Variants in SSX2IP observed in about 807,000 individuals in gnomAD.
SSX2IP encodes the protein afadin- and alpha-actinin-binding protein.
A neutral mutation model predicts 84.9 loss-of-function variants in SSX2IP; 55 were observed. The ratio of observed to expected loss-of-function variants is 0.65; its 90% CI spans 0.52 to 0.81. SSX2IP has a LOEUF of 0.81. Among genes scored for constraint, SSX2IP ranks in the 30% least tolerant of loss-of-function variants. The pLI is 0.00. For synonymous variants in SSX2IP, 239 were observed against 234.7 expected, an observed-to-expected ratio of 1.02 and a Z score of -0.17; for missense variants, 664 against 705.2, an observed-to-expected ratio of 0.94 and a Z score of 0.66.
intron 8 of SSX2IP, among the ~76,000 whole-genome samples, chr1:84,660,008 CA>C (rs1335521249): frequency 6.6e-6 from 1 of 151,654 alleles, no homozygotes; most frequent in African/African-American, 2.4e-5. Flanking sequence ...TCTAAAAAAC[CA>C]AAAAACAAAA....
At chr1:84,668,271 G>C (rs1163765428) in intron 4 of SSX2IP, among the ~76,000 whole-genome samples, 1 of 152,094 alleles carries the variant, frequency 6.6e-6, no homozygotes, top group East Asian at 1.9e-4. Flanking sequence ...ATGTGGCCAA[G>C]GGTTACAACT....
At chr1:84,669,085 AAAAG>A (rs1557503285) in intron 4 of SSX2IP, among the ~76,000 whole-genome samples, 1 of 152,164 alleles carries the variant, frequency 6.6e-6, no homozygotes, top group African/African-American at 2.4e-5. Context: ...AAAAGGAAGA[AAAAG>A]AAAGAAATCA....
At chr1:84,655,572 A>G (rs4537578) in intron 11 of SSX2IP, 864,168 of 1,417,464 alleles carry the variant, frequency 0.61, 269,405 homozygotes, top group East Asian at 0.74. Context: ...TAAAACACTT[A>G]GCAGGAGAAA....
Position 84,650,362 on chromosome 1 carries a change from C to G in SSX2IP, c.1670G>C (p.Ser557Thr), listed in dbSNP as rs774787281. 1 of 1,614,092 alleles carries G rather than the reference C, an allele frequency of 6.2e-7. No individual in the cohort carries two copies. The highest frequency in any genetic ancestry group is 1.1e-5 in the South Asian group (1 of 91,080). ...CQTRSCISEH[S>T]SINVLNITAE... is the part of the protein sequence containing the mutation. Reference sequence around the variant, plus strand: ...GAAAAGATCACCTATAGACAAATACCTATGTTCAGATATGCAGGAACGTGT... The same window carrying G: ...GAAAAGATCACCTATAGACAAATACGTATGTTCAGATATGCAGGAACGTGT... Residue 557 changes from serine to threonine, a missense_variant and splice_region_variant, in exon 13 of 14, where the codon AGT becomes ACT. Physicochemically the swap from Ser to Thr is moderately conservative, Grantham distance 58. Transcript: ENST00000342203.
chr1:84,667,693 T>C (rs1434531899), intron 4 of SSX2IP, among the ~76,000 whole-genome samples: 1 of 152,082 alleles, frequency 6.6e-6, no homozygotes, highest in Non-Finnish European at 1.5e-5. Context: ...CCAACAGAGA[T>C]ATTTGTGGTT....
At chr1:84,671,453 G>A (rs975371382) in intron 1 of SSX2IP, 145 bp from the exon 2 acceptor site, 3 of 515,226 alleles carry the variant, frequency 5.8e-6, no homozygotes, top group Non-Finnish European at 6.2e-6. Flanking sequence ...AGAACATGGT[G>A]TGTGTATATA....
chr1:84,661,067 TA>T (rs11362632), intron 8 of SSX2IP, among the ~76,000 whole-genome samples: 72,105 of 107,174 alleles, frequency 0.67, 25,585 homozygotes, highest in Middle Eastern at 0.8. Context: ...CTCCGTCTCT[TA>T]AAAAAAAAAA....
Position 84,662,202 on chromosome 1 carries a change from C to T in SSX2IP, c.923G>A (p.Gly308Glu). The stretch of plus-strand genomic sequence containing the variant: ...AGAGAGGAAAGAGCCACTTACAGTT[C>T]CTGTACTATCATCTACTCTTTCTCT... ...KPRERVDDST[G>E]TVISDVEEDA... Residue 308 changes from glycine (G) to glutamate (E), a missense_variant, in exon 8 of 14, where the codon GGA (glycine) becomes GAA (glutamate). Coordinates refer to ENST00000342203, the MANE Select transcript of SSX2IP (RefSeq NM_001166293.2). 6.3e-7 allele frequency: 1 copy of T among 1,575,426 alleles called. No homozygotes were observed. The highest frequency in any genetic ancestry group is 8.6e-7 in the Non-Finnish European group (1 of 1,165,216).
intron 12 of SSX2IP, 31 bp from the exon 13 acceptor site, chr1:84,650,558 G>A: frequency 6.2e-7 from 1 of 1,611,802 alleles, no homozygotes; most frequent in Admixed American, 1.7e-5. Context: ...GAAAAAGGCA[G>A]TACATATGGT....
intron 8 of SSX2IP, among the ~76,000 whole-genome samples, chr1:84,660,895 C>CAA (rs11362631): frequency 0.078 from 7,609 of 97,916 alleles, 381 homozygotes; most frequent in Middle Eastern, 0.11. Flanking sequence ...TACTAAAATA[C>CAA]AAAAAAAAAA....
chr1:84,659,155 G>T (rs1240312984), intron 8 of SSX2IP, among the ~76,000 whole-genome samples: 1 of 152,094 alleles, frequency 6.6e-6, no homozygotes, highest in Non-Finnish European at 1.5e-5. Context: ...TATTCAGGAA[G>T]GCAGAGAGAT....
At chr1:84,659,037 T>C (rs181922079) in intron 8 of SSX2IP, among the ~76,000 whole-genome samples, 24 of 152,300 alleles carry the variant, frequency 1.6e-4, no homozygotes, top group Admixed American at 9.2e-4. Flanking sequence ...TACTGATATA[T>C]GATCACACAG....
chr1:84,670,607 A>G (rs1653432436), intron 3 of SSX2IP, 39 bp downstream of exon 3: 5 of 1,411,190 alleles, frequency 3.5e-6, no homozygotes, highest in Non-Finnish European at 4.9e-6. Context: ...CTATTATATA[A>G]CATGATTTAT....
intron 1 of SSX2IP, among the ~76,000 whole-genome samples, chr1:84,673,455 G>A (rs1236421040): frequency 1.3e-5 from 2 of 152,234 alleles, no homozygotes; most frequent in African/African-American, 2.4e-5. Context: ...AGGCTACAGC[G>A]TAGGAAGTCG....
At chr1:84,656,550 A>AT (rs1484805556) in intron 9 of SSX2IP, 66 bp from the exon 10 acceptor site, 4 of 1,389,754 alleles carry the variant, frequency 2.9e-6, no homozygotes, top group Non-Finnish European at 9.5e-7. Flanking sequence ...TGTTTTGCAC[A>AT]TATCTTTAAA....
At chr1:84,656,084 C>G in intron 10 of SSX2IP, 79 bp from the exon 11 acceptor site, 1 of 1,288,974 alleles carries the variant, frequency 7.8e-7, no homozygotes, top group Non-Finnish European at 1.1e-6. Context: ...CAAGGGAAGG[C>G]CAGTCAAACT....
intron 1 of SSX2IP, chr1:84,680,453 C>G (rs1654919622): frequency 6.6e-6 from 1 of 151,938 alleles, no homozygotes; most frequent in African/African-American, 2.4e-5. Context: ...AATTTAGTTA[C>G]CAAATTTCTT....
chr1:84,682,950 G>A lies in SSX2IP; in HGVS notation c.-90+7421C>T, dbSNP rs114638643. ...ACAATTCTAAGCATTTTATGTGTAC[G>A]AACTTATTCAATCTTACAATGATCC... On this transcript the variant is annotated intron_variant, in intron 1 of 13. Coordinates refer to ENST00000342203, the MANE Select transcript of SSX2IP (RefSeq NM_001166293.2). Among the ~76,000 whole-genome samples, 831 of 152,140 alleles carry A rather than the reference G, an allele frequency of 5.5e-3. 7 individuals carry two copies. The highest frequency in any genetic ancestry group is 0.019 in the African/African-American group (791 of 41,502).
In SSX2IP at chr1:84,662,534, C is replaced by T. The variant is rs773202325; in HGVS notation, c.674-4G>A. On this transcript the variant is annotated splice_polypyrimidine_tract_variant and splice_region_variant and intron_variant, in intron 6 of 13. Transcript: ENST00000342203. The stretch of plus-strand genomic sequence containing the variant: ...ACATAATTCAAAATGTCCATAGCTA[C>T]AAACATGAACACATAAAATTAATTC... 4.5e-5 allele frequency: 73 copies of T among 1,613,306 alleles called. No individual in the cohort carries two copies. Among genetic ancestry groups the T allele is most frequent in the Non-Finnish European group, 6.1e-5 (72 of 1,179,644 alleles).
Sources: allele counts gnomAD v4.1 joint callset (sites outside exome capture counted in the v4.1 genomes callset), GRCh38; gene constraint gnomAD v4.1.1; transcripts MANE v1.5; gene names NCBI Gene and HGNC (gene_info 2026-07-23, HGNC 2026-07-21).